Variants in INTS1 observed in about 807,000 individuals in gnomAD.
The protein encoded by INTS1 is integrator complex subunit 1.
A neutral mutation model predicts 241.6 loss-of-function variants in INTS1; 137 were observed. That is an observed-to-expected ratio of 0.57 (90% CI 0.49 to 0.65). The LOEUF (loss-of-function observed/expected upper bound fraction) is 0.65. Among genes scored for constraint, INTS1 ranks in the 30% least tolerant of loss-of-function variants. INTS1 has a pLI of 0.00. For synonymous variants in INTS1, 1,692 were observed against 1,337.8 expected, an observed-to-expected ratio of 1.26 and a Z score of -5.78; for missense variants, 3,073 against 3,032.2, an observed-to-expected ratio of 1.01 and a Z score of -0.32.
At chr7:1,487,492 G>C (rs201983946) in intron 19 of INTS1, 43 bp from the exon 20 acceptor site, 119 of 1,592,928 alleles carry the variant, frequency 7.5e-5, no homozygotes, top group Non-Finnish European at 9.4e-6. Flanking sequence ...CGCCCTGAGC[G>C]GATCACCCCC....
chr7:1,495,915 G>A (rs1220889397), intron 12 of INTS1, among the ~76,000 whole-genome samples: 1 of 152,188 alleles, frequency 6.6e-6, no homozygotes, highest in Non-Finnish European at 1.5e-5. Flanking sequence ...CCCATGCTGG[G>A]CCAGAACTGG....
At chr7:1,486,097 G>T (rs1782252609) in intron 22 of INTS1, among the ~76,000 whole-genome samples, 1 of 151,034 alleles carries the variant, frequency 6.6e-6, no homozygotes, top group East Asian at 1.9e-4. Flanking sequence ...TACCACACCT[G>T]GCTAATTTTT....
At chr7:1,472,752 G>T (rs1297364096) in intron 43 of INTS1, among the ~76,000 whole-genome samples, 2 of 145,284 alleles carry the variant, frequency 1.4e-5, no homozygotes, top group Non-Finnish European at 3.0e-5. Flanking sequence ...TGCCCAGTAG[G>T]ACCAGGGGAG....
Position 1,476,895 on chromosome 7 carries a change from G to C in INTS1, c.4962C>G (p.Pro1654=). ...GGGTCAGGAGGTAGGGACGGAACGA[G>C]GGCACCTGGGCCTGACCTTTGCCCT... ...RRKGKGQAQV[P]SFRPYLLTLF... Residue 1654 remains proline, a synonymous_variant, in exon 36 of 48, where the codon CCC becomes CCG. Coordinates refer to ENST00000404767, the MANE Select transcript of INTS1 (RefSeq NM_001080453.3). 6.2e-7 allele frequency: 1 copy of C among 1,611,898 alleles called. No homozygotes were observed. Among genetic ancestry groups the C allele is most frequent in the African/African-American group, 1.3e-5 (1 of 75,038 alleles).
intron 22 of INTS1, 123 bp from the exon 23 acceptor site, chr7:1,485,592 CG>C: frequency 1.0e-6 from 1 of 971,198 alleles, no homozygotes; most frequent in South Asian, 1.7e-5. Context: ...TTGCTTCCCA[CG>C]GGAGAGGCCG....
In INTS1 at chr7:1,499,868, G is replaced by C; in HGVS notation, c.684+16C>G. On this transcript the variant is annotated intron_variant, in intron 5 of 47. Transcript: ENST00000404767. ...GGCGCTCTGCCATCTTCACCGTCCC[G>C]GGAGAGGACGCTCACCTTGACAAAG... 1 of 1,608,810 alleles carries C rather than the reference G, an allele frequency of 6.2e-7. No homozygotes were observed.
In INTS1 at chr7:1,495,504, C is replaced by T. The variant is rs1782801933; in HGVS notation, c.1761G>A (p.Arg587=). 2 of 1,612,630 alleles carry T rather than the reference C, an allele frequency of 1.2e-6. No homozygotes were observed. The highest frequency in any genetic ancestry group is 2.7e-5 in the African/African-American group (2 of 74,922). Residue 587 remains arginine, a synonymous_variant, in exon 13 of 48, where the codon CGG becomes CGA. Coordinates refer to ENST00000404767, the MANE Select transcript of INTS1 (RefSeq NM_001080453.3). ...CAGTGTGGAGCCACCAGACGGCATC[C>T]CGCTGGATGGCGGCAATCTGGTTCT... is the stretch of plus-strand genomic sequence containing the variant. ...SFQNQIAAIQ[R]DAVWWLHTVV...
In INTS1 at chr7:1,504,377, G is replaced by A. The variant is rs890356130; in HGVS notation, c.-96C>T. The stretch of plus-strand genomic sequence containing the variant: ...GCCGCCACCCGGCCACCCCGGAATC[G>A]GAAACCGATCTCACCGCCCTCGAGG... On this transcript the variant is annotated 5_prime_UTR_variant, in exon 1 of 48. Transcript: ENST00000404767. The A allele has an allele frequency of 6.2e-6, 3 of 483,432 alleles. No homozygotes were observed. The highest frequency in any genetic ancestry group is 4.5e-5 in the Admixed American group (2 of 44,918). 29.9% of individuals were successfully genotyped at this position (483,432 alleles called of 1,614,324 possible). A position where few individuals can be genotyped will look rare whatever the true frequency, so the allele number is the denominator to read the frequency against.
intron 16 of INTS1, among the ~76,000 whole-genome samples, chr7:1,491,182 A>G (rs961664848): frequency 7.2e-5 from 11 of 152,228 alleles, no homozygotes; most frequent in Non-Finnish European, 1.5e-4. Context: ...TCCTAGGTAC[A>G]ACGTCAAAGC....
chr7:1,484,528 A>C (rs1370235951), intron 24 of INTS1, among the ~76,000 whole-genome samples: 4 of 152,234 alleles, frequency 2.6e-5, no homozygotes. Context: ...ACCGTGATGC[A>C]AAGTGAGAAG....
At chr7:1,502,074 C>T (rs1159940087) in intron 3 of INTS1, among the ~76,000 whole-genome samples, 1 of 152,198 alleles carries the variant, frequency 6.6e-6, no homozygotes, top group African/African-American at 2.4e-5. Flanking sequence ...GGCAAGGCCA[C>T]AGCCCACAAG....
chr7:1,496,048 C>T (rs939633297), intron 12 of INTS1, 108 bp downstream of exon 12: 17 of 784,766 alleles, frequency 2.2e-5, no homozygotes, highest in Admixed American at 1.7e-4. Flanking sequence ...GCTGCGGGAC[C>T]GCTCCTGCCG....
At chr7:1,491,658 TAGG>T (rs1782552076) in intron 16 of INTS1, among the ~76,000 whole-genome samples, 1 of 152,138 alleles carries the variant, frequency 6.6e-6, no homozygotes. Flanking sequence ...CCCAACACTT[TAGG>T]AGGTCAAAGC....
chr7:1,478,072 A>T, intron 33 of INTS1, 136 bp from the exon 34 acceptor site: 1 of 780,468 alleles, frequency 1.3e-6, no homozygotes. Context: ...GGAGCCAGAG[A>T]GGAGAGTGCA....
intron 13 of INTS1, 74 bp downstream of exon 13, chr7:1,495,359 G>A (rs1782793811): frequency 1.3e-6 from 2 of 1,528,874 alleles, no homozygotes; most frequent in African/African-American, 1.4e-5. Context: ...TTTGGGGCAG[G>A]GGTTGTGCGG....
intron 12 of INTS1, among the ~76,000 whole-genome samples, chr7:1,495,820 C>T (rs1184739428): frequency 1.3e-5 from 2 of 152,156 alleles, no homozygotes; most frequent in Admixed American, 1.3e-4. Context: ...TCCTGTGAAC[C>T]CATAATCAAA....
At chr7:1,501,260 G>A (rs1260949021) in intron 3 of INTS1, 2 of 149,030 alleles carry the variant, frequency 1.3e-5, no homozygotes, top group Non-Finnish European at 3.0e-5. Flanking sequence ...ATTCCAGCCT[G>A]GGGAACACAG....
intron 5 of INTS1, 89 bp from the exon 6 acceptor site, chr7:1,499,721 C>G: frequency 1.3e-6 from 2 of 1,487,892 alleles, no homozygotes; most frequent in African/African-American, 1.4e-5. Context: ...GACTGGGTGC[C>G]CAGGCGGCCC....
In INTS1 at chr7:1,476,581, G is replaced by A. The variant is rs748349339; in HGVS notation, c.5140C>T (p.Arg1714Cys). 5.9e-6 allele frequency: 9 copies of A among 1,528,692 alleles called. No individual in the cohort carries two copies. The highest frequency in any genetic ancestry group is 5.5e-5 in the East Asian group (2 of 36,120). 94.7% of individuals were successfully genotyped at this position (1,528,692 alleles called of 1,614,324 possible). ...VPRIWQGRDQ[R>C]TPQKRREELV... ...CTCCCAAGACCTGCCTGCGGGGTGCGCTGGTCCCGCCCCTGCCAGATGCGA... is the reference window on the plus strand; with the variant it reads ...CTCCCAAGACCTGCCTGCGGGGTGCACTGGTCCCGCCCCTGCCAGATGCGA... Residue 1714 changes from arginine (R) to cysteine (C), a missense_variant, in exon 37 of 48, where the codon CGC becomes TGC. Coordinates refer to ENST00000404767, the MANE Select transcript of INTS1 (RefSeq NM_001080453.3).
Sources: allele counts gnomAD v4.1 joint callset (sites outside exome capture counted in the v4.1 genomes callset), GRCh38; gene constraint gnomAD v4.1.1; transcripts MANE v1.5; gene names NCBI Gene and HGNC (gene_info 2026-07-23, HGNC 2026-07-21).